ZNF829: variants seen among roughly 807,000 people sequenced by gnomAD.
The protein encoded by ZNF829 is zinc finger protein 829.
A neutral mutation model predicts 35.2 loss-of-function variants in ZNF829; 25 were observed. The observed-to-expected ratio is 0.71, with a 90% confidence interval of 0.52 to 0.99. ZNF829 has a LOEUF of 0.99. Among genes scored for constraint, ZNF829 ranks in the 50% least tolerant of loss-of-function variants. ZNF829 has a pLI of 0.00. For missense variants in ZNF829, 417 were observed against 515.3 expected (o/e 0.81, Z 1.85); for synonymous variants, 136 against 163.2 (o/e 0.83, Z 1.27).
At chr19:36,892,878 G>T in intron 5 of ZNF829, 1 of 1,154,748 alleles carries the variant, frequency 8.7e-7, no homozygotes, top group Non-Finnish European at 1.1e-6. Context: ...AGCTTGTGGA[G>T]CTCCGACTGC....
rs774997531 is a variant in ZNF829, at chr19:36,892,606, T to A, written c.320-135A>T. ...TTTTCAAAGGTGGAGAGGCAATCTG[T>A]AAAACTGACAAGAAAAGCACAGACA... is the stretch of plus-strand genomic sequence containing the variant. On this transcript the variant is annotated intron_variant, in intron 5 of 5. Transcript: ENST00000391711. 1.1e-4 allele frequency: 104 copies of A among 935,732 alleles called. 1 individual carries two copies. Among genetic ancestry groups the A allele is most frequent in the Non-Finnish European group, 1.5e-4 (96 of 643,096 alleles). The allele number at this position is 935,732 out of a possible 1,614,324, so 58.0% of individuals were successfully genotyped here.
intron 5 of ZNF829, among the ~76,000 whole-genome samples, chr19:36,896,737 T>A (rs2073117384): frequency 6.6e-6 from 1 of 152,216 alleles, no homozygotes; most frequent in Non-Finnish European, 1.5e-5. Flanking sequence ...AGACAAGTTA[T>A]AACTAATTTT....
chr19:36,915,078 C>T, intron 2 of ZNF829, 52 bp downstream of exon 2: 1 of 1,614,092 alleles, frequency 6.2e-7, no homozygotes, highest in Non-Finnish European at 8.5e-7. Context: ...CCAGGTTTTT[C>T]TTGGTACCCA....
chr19:36,908,131 A>G, intron 4 of ZNF829, 107 bp from the exon 5 acceptor site: 1 of 1,183,552 alleles, frequency 8.4e-7, no homozygotes, highest in Admixed American at 2.5e-5. Flanking sequence ...GAAGGACCGG[A>G]GAAAGATGGA....
At chr19:36,908,588 G>A in intron 3 of ZNF829, 129 bp from the exon 4 acceptor site, 1 of 985,414 alleles carries the variant, frequency 1.0e-6, no homozygotes, top group Non-Finnish European at 1.4e-6. Flanking sequence ...TATACGTCCT[G>A]TGTACAAAGG....
rs375739401 is a variant in ZNF829 at position 36,902,158 on chromosome 19, C to CA, written c.319+5770dup. On this transcript the variant is annotated intron_variant, in intron 5 of 5. Transcript: ENST00000391711. ...AATACATCAAATAGTTATAAAATTGCAAAAAAAAAAGAAAAAAAAAAACAA... is the reference window on the plus strand; with the variant it reads ...AATACATCAAATAGTTATAAAATTGCAAAAAAAAAAAGAAAAAAAAAAACAA... The CA allele has an allele frequency of 2.4e-3, 392 of 166,274 alleles. 1 individual carries two copies. The highest frequency in any genetic ancestry group is 4.7e-3 in the Middle Eastern group (2 of 424). 10.3% of individuals were successfully genotyped at this position (166,274 alleles called of 1,614,324 possible). A position where few individuals can be genotyped will look rare whatever the true frequency, so the allele number is the denominator to read the frequency against.
chr19:36,910,837 T>C (rs1000415186), intron 3 of ZNF829, among the ~76,000 whole-genome samples: 5 of 152,056 alleles, frequency 3.3e-5, no homozygotes, highest in Non-Finnish European at 7.4e-5. Context: ...AGAAACCCCA[T>C]CTTTACTAAA....
intron 3 of ZNF829, chr19:36,913,096 G>A (rs1351889322): frequency 6.6e-6 from 1 of 152,264 alleles, no homozygotes. Context: ...AATGAGAAGT[G>A]TAACTAGAGA....
rs1332354772 is a variant in ZNF829, at chr19:36,892,226, A to G, written c.565T>C (p.Tyr189His). Residue 189 changes from tyrosine (Y) to histidine (H), a missense_variant, in exon 6 of 6, where the codon TAT (tyrosine) becomes CAT (histidine). By Grantham distance (83) the Tyr-to-His change is moderately conservative. Coordinates refer to ENST00000391711, the MANE Select transcript of ZNF829 (RefSeq NM_001037232.4). The stretch of plus-strand genomic sequence containing the variant: ...GAGCCACGACTAAAGGACTTCCCAT[A>G]CTCCTTAGATTCATAGTGTTTTTCA... ...FGEKHYESKE[Y>H]GKSFSRGSLV... The G allele has an allele frequency of 1.2e-6, 2 of 1,613,978 alleles. No homozygotes were observed. Among genetic ancestry groups the G allele is most frequent in the Non-Finnish European group, 1.7e-6 (2 of 1,180,020 alleles).
chr19:36,899,795 TG>T (rs1361103395), intron 5 of ZNF829, among the ~76,000 whole-genome samples: 3 of 151,618 alleles, frequency 2.0e-5, no homozygotes, highest in Admixed American at 1.3e-4. Context: ...TATAGTTATT[TG>T]ATAGGATCTG....
At chr19:36,896,921 C>T (rs1360674649) in intron 5 of ZNF829, among the ~76,000 whole-genome samples, 2 of 152,052 alleles carry the variant, frequency 1.3e-5, no homozygotes, top group Non-Finnish European at 2.9e-5. Context: ...CTACTACAGG[C>T]AACTATATGC....
chr19:36,891,360 A>T lies in ZNF829; in HGVS notation c.*132T>A. The T allele has an allele frequency of 1.1e-6, 1 of 900,774 alleles. No homozygotes were observed. Among genetic ancestry groups the T allele is most frequent in the Non-Finnish European group, 1.6e-6 (1 of 632,578 alleles). 55.8% of individuals were successfully genotyped at this position (900,774 alleles called of 1,614,324 possible). A position where few individuals can be genotyped will look rare whatever the true frequency, so the allele number is the denominator to read the frequency against. ...AGCCACCAAGGTTTTGGTACTTGGT[A>T]CTTTGTTATCGTATCGTTTAAAAAC... On this transcript the variant is annotated 3_prime_UTR_variant, in exon 6 of 6. Coordinates refer to ENST00000391711, the MANE Select transcript of ZNF829 (RefSeq NM_001037232.4).
intron 5 of ZNF829, among the ~76,000 whole-genome samples, chr19:36,894,654 TAAAA>T (rs1367311509): frequency 2.6e-5 from 4 of 151,748 alleles, no homozygotes; most frequent in East Asian, 3.9e-4. Context: ...ATGAATGAAA[TAAAA>T]AACACAATTG....
At chr19:36,898,470 C>T (rs1013170781) in intron 5 of ZNF829, among the ~76,000 whole-genome samples, 5 of 152,086 alleles carry the variant, frequency 3.3e-5, no homozygotes, top group Admixed American at 2.6e-4. Context: ...AATGCAATCC[C>T]GACTGAAATG....
rs745687997 is a variant in ZNF829 at position 36,915,140 on chromosome 19, G to C, written c.28C>G (p.Pro10Ala). 1 of 1,614,112 alleles carries C rather than the reference G, an allele frequency of 6.2e-7. No individual in the cohort carries two copies. The highest frequency in any genetic ancestry group is 1.1e-5 in the South Asian group (1 of 91,078). ...AGCCCCATTACCCACCACACATGAG[G>C]AATGGAGATCAGAGGAGAATGGGGC... MPHSPLISI[P>A]HVWCHPEEEE... is the part of the protein sequence containing the mutation. The change falls in exon 2 of 6, where the codon CCT becomes GCT. Residue 10 changes from proline (P) to alanine (A), a missense_variant. Coordinates refer to ENST00000391711, the MANE Select transcript of ZNF829 (RefSeq NM_001037232.4).
At position 36,889,746 on chromosome 19, in the gene ZNF829, T is replaced by G. The variant is rs2073032765; in HGVS notation, c.*1746A>C. The G allele has an allele frequency of 6.6e-6, 1 of 152,180 alleles. No individual in the cohort carries two copies. The highest frequency in any genetic ancestry group is 1.5e-5 in the Non-Finnish European group (1 of 68,034). The allele number at this position is 152,180 out of a possible 1,614,324, so 9.4% of individuals were successfully genotyped here. A position where few individuals can be genotyped will look rare whatever the true frequency, so the allele number is the denominator to read the frequency against. On this transcript the variant is annotated 3_prime_UTR_variant, in exon 6 of 6. Coordinates refer to ENST00000391711, the MANE Select transcript of ZNF829 (RefSeq NM_001037232.4). ...TTTTTCTTTTATTGATCTTTTGCAT[T>G]CCTTTGTTCTCAGTCTCATTTTTGC...
intron 1 of ZNF829, 143 bp downstream of exon 1, chr19:36,915,868 A>G: frequency 2.0e-6 from 3 of 1,535,808 alleles, no homozygotes; most frequent in South Asian, 2.4e-5. Context: ...CACAACCTCC[A>G]CCTTTCAGGC....
intron 5 of ZNF829, among the ~76,000 whole-genome samples, chr19:36,903,340 T>C (rs2073187739): frequency 1.3e-5 from 2 of 152,236 alleles, no homozygotes; most frequent in African/African-American, 4.8e-5. Context: ...TGTTTTGTTT[T>C]TGGGTCAAGG....
At chr19:36,892,810 C>A in intron 5 of ZNF829, 1 of 725,418 alleles carries the variant, frequency 1.4e-6, no homozygotes, top group Non-Finnish European at 1.9e-6. Context: ...TTTTTGCCCC[C>A]ACCCCAGATC....
Sources: gnomAD v4.1 joint callset for allele counts (sites outside exome capture counted in the v4.1 genomes callset) on GRCh38, gnomAD v4.1.1 for gene constraint, MANE v1.5 for transcripts, NCBI Gene and HGNC (gene_info 2026-07-23, HGNC 2026-07-21) for gene names.